GRIN2A: variants seen among roughly 807,000 people sequenced by gnomAD.
GRIN2A encodes the protein glutamate receptor ionotropic, NMDA 2A.
GRIN2A carries 22 observed loss-of-function variants against 113.4 expected under a neutral mutation model. The observed-to-expected ratio is 0.19, with a 90% confidence interval of 0.14 to 0.28. GRIN2A has a LOEUF of 0.28. GRIN2A is among the 10% of genes least tolerant of loss of function. The pLI, the probability that GRIN2A is intolerant of heterozygous loss-of-function variation, is 1.00. For missense variants in GRIN2A, 1,502 were observed against 1,887.0 expected, an observed-to-expected ratio of 0.80 and a Z score of 3.78; for synonymous variants, 827 against 738.4, an observed-to-expected ratio of 1.12 and a Z score of -1.94.
At chr16:10,155,278 G>A (rs1290839334) in intron 2 of GRIN2A, among the ~76,000 whole-genome samples, 1 of 151,356 alleles carries the variant, frequency 6.6e-6, no homozygotes, top group African/African-American at 2.4e-5. Context: ...AGTGCACATG[G>A]TGAGTTTGCA....
At chr16:9,914,620 T>A (rs73502652) in intron 3 of GRIN2A, among the ~76,000 whole-genome samples, 1 of 152,154 alleles carries the variant, frequency 6.6e-6, no homozygotes, top group Non-Finnish European at 1.5e-5. Flanking sequence ...GTTAGGCTTA[T>A]TGAAGATGGA....
At chr16:10,038,085 C>CA (rs35572349) in intron 2 of GRIN2A, among the ~76,000 whole-genome samples, 34,522 of 152,060 alleles carry the variant, frequency 0.23, 4,671 homozygotes, top group East Asian at 0.52. Context: ...AAACAACAGA[C>CA]TTTATTTCTC....
chr16:9,841,201 CTG>C (rs1409515688), intron 5 of GRIN2A, 97 bp from the exon 6 acceptor site: 17 of 1,090,640 alleles, frequency 1.6e-5, no homozygotes, highest in Non-Finnish European at 2.1e-5. Flanking sequence ...GATGAGTAAA[CTG>C]AAGTTTAAAA....
chr16:9,872,895 A>G (rs1414811938), intron 4 of GRIN2A, among the ~76,000 whole-genome samples: 2 of 151,910 alleles, frequency 1.3e-5, no homozygotes, highest in South Asian at 2.1e-4. Flanking sequence ...AAACAAAAAA[A>G]CTAGCCAGGC....
intron 4 of GRIN2A, among the ~76,000 whole-genome samples, chr16:9,882,763 A>G (rs1334411216): frequency 6.6e-6 from 1 of 152,152 alleles, no homozygotes; most frequent in Non-Finnish European, 1.5e-5. Context: ...CCAGCCTGGT[A>G]ACAGAGTGAG....
At position 10,065,290 on chromosome 16, in the gene GRIN2A, G is replaced by C. The variant is rs148523619; in HGVS notation, c.414+114708C>G. On this transcript the variant is annotated intron_variant, in intron 2 of 12. Transcript: ENST00000330684. ...GAGCATGCTGTGTGGAGTTACTCAC[G>C]TGAGAAAAAACTTGTTAGCAAAAGA... 1.7e-3 allele frequency among the ~76,000 whole-genome samples: 253 copies of C among 152,292 alleles called. 2 individuals carry two copies. Among genetic ancestry groups the C allele is most frequent in the African/African-American group, 6.0e-3 (248 of 41,562 alleles).
intron 4 of GRIN2A, among the ~76,000 whole-genome samples, chr16:9,884,212 T>A (rs1324172245): frequency 7.2e-5 from 11 of 152,234 alleles, no homozygotes; most frequent in Admixed American, 4.6e-4. Context: ...AGCCTGTATG[T>A]GTATATAGGT....
intron 3 of GRIN2A, among the ~76,000 whole-genome samples, chr16:9,930,770 T>TA (rs1351139863): frequency 6.6e-6 from 1 of 152,154 alleles, no homozygotes; most frequent in Non-Finnish European, 1.5e-5. Flanking sequence ...TAAATAAAAA[T>TA]ATGTCAACCA....
chr16:10,110,978 C>A (rs188079432), intron 2 of GRIN2A, among the ~76,000 whole-genome samples: 1 of 152,250 alleles, frequency 6.6e-6, no homozygotes, highest in African/African-American at 2.4e-5. Flanking sequence ...CTTTTCTTAA[C>A]CTAATTACTT....
At chr16:10,127,495 G>A (rs2048964697) in intron 2 of GRIN2A, among the ~76,000 whole-genome samples, 1 of 152,132 alleles carries the variant, frequency 6.6e-6, no homozygotes, top group South Asian at 2.1e-4. Context: ...GCCCTGGGAG[G>A]TCTTCACCAG....
At chr16:10,098,618 A>C (rs1190812789) in intron 2 of GRIN2A, among the ~76,000 whole-genome samples, 1 of 152,194 alleles carries the variant, frequency 6.6e-6, no homozygotes, top group Non-Finnish European at 1.5e-5. Flanking sequence ...GATGGAATAA[A>C]ACTCAGCCTT....
At chr16:9,873,322 C>T (rs561799630) in intron 4 of GRIN2A, among the ~76,000 whole-genome samples, 2 of 152,298 alleles carry the variant, frequency 1.3e-5, no homozygotes, top group South Asian at 4.1e-4. Context: ...AACAAAATTA[C>T]ACTTGTATAC....
At chr16:9,817,792 C>T (rs1473492515) in intron 10 of GRIN2A, among the ~76,000 whole-genome samples, 3 of 152,176 alleles carry the variant, frequency 2.0e-5, no homozygotes, top group Non-Finnish European at 4.4e-5. Context: ...TGTGCATGCA[C>T]GTGGCTTTGC....
intron 2 of GRIN2A, among the ~76,000 whole-genome samples, chr16:10,175,689 T>C (rs2050128561): frequency 6.6e-6 from 1 of 152,160 alleles, no homozygotes; most frequent in Non-Finnish European, 1.5e-5. Context: ...ACATGAGGCT[T>C]GCATAGGAAT....
chr16:9,956,111 CTG>C (rs998875305), intron 2 of GRIN2A, among the ~76,000 whole-genome samples: 51 of 152,334 alleles, frequency 3.3e-4, no homozygotes, highest in Middle Eastern at 3.4e-3. Context: ...TGGGTGAACA[CTG>C]TGATTTGTGA....
chr16:9,932,631 C>T (rs1231661437), intron 3 of GRIN2A, among the ~76,000 whole-genome samples: 2 of 152,092 alleles, frequency 1.3e-5, no homozygotes, highest in African/African-American at 4.8e-5. Context: ...GATCTGCCTG[C>T]CTCAGCCTCC....
chr16:10,078,772 G>T (rs879618136), intron 2 of GRIN2A, among the ~76,000 whole-genome samples: 1 of 152,202 alleles, frequency 6.6e-6, no homozygotes, highest in Non-Finnish European at 1.5e-5. Context: ...CTGGGGAGCT[G>T]ATGTCACCAC....
At chr16:9,848,669 T>C (rs556963637) in intron 5 of GRIN2A, among the ~76,000 whole-genome samples, 11 of 144,430 alleles carry the variant, frequency 7.6e-5, no homozygotes, top group East Asian at 3.9e-4. Flanking sequence ...ACATAAAATA[T>C]ATGTTTTATA....
rs1037375348 is a variant in GRIN2A at position 9,785,537 on chromosome 16, T to C, written c.2356+12740A>G. On this transcript the variant is annotated intron_variant, in intron 11 of 12. Transcript: ENST00000330684. Reference sequence around the variant, plus strand: ...CACACCAACATGGCACATGTACACATATGTAATAAACCTGCACGTTGTGCA... The same window carrying C: ...CACACCAACATGGCACATGTACACACATGTAATAAACCTGCACGTTGTGCA... Among the ~76,000 whole-genome samples, 8 of 152,078 alleles carry C rather than the reference T, an allele frequency of 5.3e-5. No individual in the cohort carries two copies. The South Asian group carries it at 8.3e-4, about 16-fold the overall frequency.
Sources: gnomAD v4.1 joint callset for allele counts (sites outside exome capture counted in the v4.1 genomes callset) on GRCh38, gnomAD v4.1.1 for gene constraint, MANE v1.5 for transcripts, NCBI Gene and HGNC (gene_info 2026-07-23, HGNC 2026-07-21) for gene names.